The following COL25A1 variants were observed in gnomAD, a reference collection of about 807,000 sequenced individuals.
The protein encoded by COL25A1 is collagen type XXV alpha 1 chain.
A neutral mutation model predicts 128.4 loss-of-function variants in COL25A1; 103 were observed. The observed-to-expected ratio is 0.80, with a 90% CI of 0.68 to 0.94. The LOEUF is 0.94. Ranked by LOEUF, COL25A1 falls within the 40% of genes least tolerant of loss-of-function variation. COL25A1 has a pLI of 0.00. For synonymous variants in COL25A1, 279 were observed against 277.2 expected, an observed-to-expected ratio of 1.01 and a Z score of -0.06; for missense variants, 745 against 840.0, an observed-to-expected ratio of 0.89 and a Z score of 1.40.
At chr4:108,971,528 A>G (rs771400218) in intron 8 of COL25A1, among the ~76,000 whole-genome samples, 1 of 152,206 alleles carries the variant, frequency 6.6e-6, no homozygotes, top group Non-Finnish European at 1.5e-5. Context: ...AGAAGACCAG[A>G]AGAGGGCAAA....
intron 3 of COL25A1, among the ~76,000 whole-genome samples, chr4:109,293,391 T>C (rs921760014): frequency 1.3e-5 from 2 of 152,034 alleles, no homozygotes; most frequent in African/African-American, 4.8e-5. Context: ...GTGAACTCTT[T>C]GGTAAACAAG....
At chr4:109,121,703 A>C (rs1768123167) in intron 3 of COL25A1, among the ~76,000 whole-genome samples, 1 of 152,124 alleles carries the variant, frequency 6.6e-6, no homozygotes, top group Non-Finnish European at 1.5e-5. Flanking sequence ...CCACTTTGGA[A>C]GAAAGTTTGG....
At chr4:108,899,008 T>TAC (rs1742502036) in intron 15 of COL25A1, 146 bp downstream of exon 15, 4 of 635,484 alleles carry the variant, frequency 6.3e-6, no homozygotes, top group Non-Finnish European at 1.1e-5. Flanking sequence ...TCTATATATC[T>TAC]ATATACCTAC....
At chr4:108,845,429 C>A (rs1734973461) in intron 28 of COL25A1, among the ~76,000 whole-genome samples, 178 bp from the exon 29 acceptor site, 2 of 152,002 alleles carry the variant, frequency 1.3e-5, no homozygotes, top group Admixed American at 1.3e-4. Flanking sequence ...TTATTAAAAT[C>A]CTTAGGATTA....
intron 3 of COL25A1, among the ~76,000 whole-genome samples, chr4:109,152,417 G>A (rs148527328): frequency 1.2e-3 from 177 of 152,234 alleles, no homozygotes; most frequent in Non-Finnish European, 2.0e-3. Context: ...AAAGTATATA[G>A]AGCTATTCTG....
At chr4:109,096,353 T>C (rs1765399961) in intron 3 of COL25A1, among the ~76,000 whole-genome samples, 2 of 152,210 alleles carry the variant, frequency 1.3e-5, no homozygotes, top group Admixed American at 6.5e-5. Context: ...AAAATTCTTA[T>C]TGCTTAGTGA....
chr4:109,272,200 C>T (rs1307297760), intron 3 of COL25A1, among the ~76,000 whole-genome samples: 5 of 152,030 alleles, frequency 3.3e-5, no homozygotes, highest in African/African-American at 9.7e-5. Flanking sequence ...CACCACAGCA[C>T]TCTAGCCTGG....
intron 5 of COL25A1, among the ~76,000 whole-genome samples, chr4:109,035,612 T>A (rs897442413): frequency 2.6e-4 from 39 of 152,190 alleles, no homozygotes; most frequent in Non-Finnish European, 5.1e-4. Flanking sequence ...GGATATTTTT[T>A]AATGACAAAA....
At chr4:109,285,704 A>C (rs1723811151) in intron 3 of COL25A1, among the ~76,000 whole-genome samples, 1 of 152,242 alleles carries the variant, frequency 6.6e-6, no homozygotes, top group Non-Finnish European at 1.5e-5. Flanking sequence ...TTATAAACTT[A>C]CTATTTAAAA....
At chr4:109,299,927 T>C (rs761185917) in intron 3 of COL25A1, among the ~76,000 whole-genome samples, 4 of 152,116 alleles carry the variant, frequency 2.6e-5, no homozygotes, top group African/African-American at 7.2e-5. Context: ...CTTCTACTAA[T>C]ATGCTGCCTT....
chr4:109,277,141 C>T (rs904976335), intron 3 of COL25A1, among the ~76,000 whole-genome samples: 12 of 152,146 alleles, frequency 7.9e-5, no homozygotes, highest in African/African-American at 2.9e-4. Flanking sequence ...TTACTTTGCT[C>T]CAGGAACAAT....
chr4:109,003,139 T>C (rs62313702), intron 6 of COL25A1, among the ~76,000 whole-genome samples: 20,976 of 152,234 alleles, frequency 0.14, 2,111 homozygotes, highest in East Asian at 0.4. Context: ...ACTAAGAGCT[T>C]CTGCATAGCA....
chr4:108,886,837 C>T (rs1271274627), intron 18 of COL25A1, among the ~76,000 whole-genome samples: 3 of 152,142 alleles, frequency 2.0e-5, no homozygotes, highest in Non-Finnish European at 4.4e-5. Flanking sequence ...CCCTCCATTA[C>T]AGGAGAACCT....
At chr4:108,819,789 A>G in intron 35 of COL25A1, 1 of 1,176,004 alleles carries the variant, frequency 8.5e-7, no homozygotes, top group Non-Finnish European at 1.1e-6. Flanking sequence ...ACATCTGGAG[A>G]CAGTTCCACA....
chr4:109,246,649 TTTAA>T (rs1196648784), intron 3 of COL25A1, among the ~76,000 whole-genome samples: 2 of 152,178 alleles, frequency 1.3e-5, no homozygotes, highest in South Asian at 2.1e-4. Context: ...TGTATTCCAA[TTTAA>T]TTATTCTAAA....
intron 3 of COL25A1, among the ~76,000 whole-genome samples, chr4:109,278,721 A>C (rs983175336): frequency 4.6e-5 from 7 of 152,244 alleles, no homozygotes; most frequent in Non-Finnish European, 1.0e-4. Flanking sequence ...GTGACTCGGC[A>C]TAATGTTCAC....
intron 8 of COL25A1, among the ~76,000 whole-genome samples, chr4:108,963,405 C>A (rs1750945367): frequency 6.6e-6 from 1 of 152,068 alleles, no homozygotes; most frequent in Non-Finnish European, 1.5e-5. Context: ...ATGGGTATTA[C>A]CAGCTAAAGT....
At chr4:108,847,336 T>C (rs1273353922) in intron 27 of COL25A1, among the ~76,000 whole-genome samples, 2 of 152,232 alleles carry the variant, frequency 1.3e-5, no homozygotes, top group East Asian at 1.9e-4. Context: ...AAGGGGCTTC[T>C]AGGCTGCACA....
At chr4:109,240,341 A>T (rs1278622229) in intron 3 of COL25A1, among the ~76,000 whole-genome samples, 1 of 152,084 alleles carries the variant, frequency 6.6e-6, no homozygotes. Context: ...AACAGCTATG[A>T]CATTATTAGG....
Sources: allele counts gnomAD v4.1 joint callset (sites outside exome capture counted in the v4.1 genomes callset), GRCh38; gene constraint gnomAD v4.1.1; transcripts MANE v1.5; gene names NCBI Gene and HGNC (gene_info 2026-07-23, HGNC 2026-07-21).